Variants in ZNF566 observed in about 807,000 individuals in gnomAD.
ZNF566 encodes zinc finger protein 566.
ZNF566 carries 27 observed loss-of-function variants against 32.8 expected under a neutral mutation model. The ratio of observed to expected loss-of-function variants is 0.82; its 90% CI spans 0.61 to 1.14. The LOEUF is 1.14. Ranked by LOEUF, ZNF566 falls within the 50% of genes most tolerant of loss-of-function variation. The pLI is 0.00. For synonymous variants in ZNF566, 154 were observed against 159.5 expected (o/e 0.97, Z 0.26); for missense variants, 402 against 490.4 (o/e 0.82, Z 1.70).
In ZNF566 at chr19:36,449,062, C is replaced by T. The variant is rs563610421; in HGVS notation, c.1172G>A (p.Ser391Asn). ...QLISHHRIHTSEKPYEYRECG... is the reference protein window; with the variant it reads ...QLISHHRIHTNEKPYEYRECG... ...TTCCCTATATTCATAGGGTTTCTCA[C>T]TAGTATGAATTCTATGATGACTAAT... The change falls in exon 5 of 5, where the codon AGT (serine) becomes AAT (asparagine). Residue 391 changes from serine (S) to asparagine (N), a missense_variant. By Grantham distance (46) the Ser-to-Asn change is conservative. Transcript: ENST00000452939. 11 of 1,613,682 alleles carry T rather than the reference C, an allele frequency of 6.8e-6. No individual in the cohort carries two copies. Among genetic ancestry groups the T allele is most frequent in the Middle Eastern group, 1.7e-4 (1 of 6,052 alleles).
At chr19:36,455,203 G>C (rs888677788) in intron 4 of ZNF566, among the ~76,000 whole-genome samples, 1 of 151,992 alleles carries the variant, frequency 6.6e-6, no homozygotes, top group African/African-American at 2.4e-5. Flanking sequence ...AGGTGTACAA[G>C]GAATTTACTT....
intron 4 of ZNF566, among the ~76,000 whole-genome samples, chr19:36,455,313 A>T (rs866373389): frequency 6.6e-6 from 1 of 152,170 alleles, no homozygotes; most frequent in South Asian, 2.1e-4. Context: ...CAAGACAAGG[A>T]TGTCCACTCT....
intron 1 of ZNF566, among the ~76,000 whole-genome samples, chr19:36,478,020 A>G (rs537837650): frequency 2.0e-5 from 3 of 152,270 alleles, no homozygotes; most frequent in Admixed American, 2.0e-4. Flanking sequence ...AACTATAAAG[A>G]GCACTATTAT....
At chr19:36,488,246 G>C (rs1474785062) in intron 1 of ZNF566, among the ~76,000 whole-genome samples, 1 of 152,028 alleles carries the variant, frequency 6.6e-6, no homozygotes, top group Non-Finnish European at 1.5e-5. Flanking sequence ...ACCATGCCCG[G>C]CTAATTTTTT....
chr19:36,447,685 G>T lies in ZNF566; in HGVS notation c.*1292C>A, dbSNP rs2033029686. 1 of 151,552 alleles carries T rather than the reference G, an allele frequency of 6.6e-6. No individual in the cohort carries two copies. Among genetic ancestry groups the T allele is most frequent in the South Asian group, 2.1e-4 (1 of 4,808 alleles). The allele number at this position is 151,552 out of a possible 1,614,324, so 9.4% of individuals were successfully genotyped here. ...CTTATGTTCTCTTTTCTTTTTTACT[G>T]GGTATATAATGCGACAAAAAGAGTA... is the stretch of plus-strand genomic sequence containing the variant. On this transcript the variant is annotated 3_prime_UTR_variant, in exon 5 of 5. Coordinates refer to ENST00000452939, the MANE Select transcript of ZNF566 (RefSeq NM_001145344.1).
intron 4 of ZNF566, among the ~76,000 whole-genome samples, chr19:36,456,010 G>A (rs2033299479): frequency 6.6e-6 from 1 of 151,442 alleles, no homozygotes; most frequent in Non-Finnish European, 1.5e-5. Flanking sequence ...CTGCACTCCA[G>A]ACTGGGTGAC....
At chr19:36,465,169 AAATTT>A (rs1156784106) in intron 4 of ZNF566, among the ~76,000 whole-genome samples, 1 of 152,204 alleles carries the variant, frequency 6.6e-6, no homozygotes, top group Non-Finnish European at 1.5e-5. Flanking sequence ...ATGACCAGGG[AAATTT>A]AATTTAAAAT....
chr19:36,483,256 C>T (rs1255976664), intron 1 of ZNF566, among the ~76,000 whole-genome samples: 1 of 152,134 alleles, frequency 6.6e-6, no homozygotes, highest in Non-Finnish European at 1.5e-5. Flanking sequence ...GTGTTTTTAA[C>T]ATATAAACAA....
rs2034259488 is a variant in ZNF566 at position 36,489,551 on chromosome 19, C to T, written c.-125G>A. 2.8e-6 allele frequency: 1 copy of T among 356,908 alleles called. No homozygotes were observed. Among genetic ancestry groups the T allele is most frequent in the Non-Finnish European group, 5.5e-6 (1 of 180,456 alleles). 22.1% of individuals were successfully genotyped at this position (356,908 alleles called of 1,614,324 possible). A position where few individuals can be genotyped will look rare whatever the true frequency, so the allele number is the denominator to read the frequency against. ...GTTGCTGGTAAAGCCCTGAGGGTCC[C>T]GCCAGCGCGTGAGTTGGAAGCTGAA... On this transcript the variant is annotated 5_prime_UTR_variant, in exon 1 of 5. Transcript: ENST00000452939.
intron 1 of ZNF566, among the ~76,000 whole-genome samples, chr19:36,481,509 A>G (rs1213325296): frequency 6.7e-6 from 1 of 149,938 alleles, no homozygotes; most frequent in Non-Finnish European, 1.5e-5. Flanking sequence ...AAGAACACTG[A>G]GGTACTATTT....
chr19:36,450,084 C>T (rs1024261313), intron 4 of ZNF566, 83 bp from the exon 5 acceptor site: 20 of 1,187,938 alleles, frequency 1.7e-5, no homozygotes, highest in East Asian at 1.2e-4. Flanking sequence ...AGAATTTAAC[C>T]GAATTTTTTT....
In ZNF566 at chr19:36,447,697, C is replaced by A. The variant is rs180851221; in HGVS notation, c.*1280G>T. 1.3e-5 allele frequency: 2 copies of A among 151,806 alleles called. No individual in the cohort carries two copies. Among genetic ancestry groups the A allele is most frequent in the African/African-American group, 4.8e-5 (2 of 41,314 alleles). The allele number at this position is 151,806 out of a possible 1,614,324, so 9.4% of individuals were successfully genotyped here. A position where few individuals can be genotyped will look rare whatever the true frequency, so the allele number is the denominator to read the frequency against. On this transcript the variant is annotated 3_prime_UTR_variant, in exon 5 of 5. Transcript: ENST00000452939. ...TTTCTTTTTTACTGGGTATATAATG[C>A]GACAAAAAGAGTATTAGTCGGAATA... is the stretch of plus-strand genomic sequence containing the variant.
chr19:36,451,265 A>T (rs1466242305), intron 4 of ZNF566, among the ~76,000 whole-genome samples: 2 of 152,232 alleles, frequency 1.3e-5, no homozygotes, highest in African/African-American at 4.8e-5. Flanking sequence ...ACAATCCAGA[A>T]AAAAGCCTAG....
intron 4 of ZNF566, among the ~76,000 whole-genome samples, chr19:36,465,641 T>A (rs1008764172): frequency 2.6e-5 from 4 of 151,770 alleles, no homozygotes; most frequent in Admixed American, 2.0e-4. Context: ...CCGGCCAATT[T>A]TTTTTGTATT....
intron 4 of ZNF566, among the ~76,000 whole-genome samples, chr19:36,459,113 G>A (rs895486688): frequency 6.6e-6 from 1 of 152,198 alleles, no homozygotes; most frequent in African/African-American, 2.4e-5. Context: ...AAGGATGAAA[G>A]TGATGACAGA....
chr19:36,447,217 A>T lies in ZNF566; in HGVS notation c.*1760T>A, dbSNP rs1308324616. The T allele has an allele frequency of 1.3e-5, 2 of 152,094 alleles. No individual in the cohort carries two copies. Among genetic ancestry groups the T allele is most frequent in the African/African-American group, 4.8e-5 (2 of 41,402 alleles). 9.4% of individuals were successfully genotyped at this position (152,094 alleles called of 1,614,324 possible). ...TTTTGAGTAAAAATGGGGTTTCAACATGTTGGCCAGGCTGGTCTCAAGCTC... is the reference window on the plus strand; with the variant it reads ...TTTTGAGTAAAAATGGGGTTTCAACTTGTTGGCCAGGCTGGTCTCAAGCTC... On this transcript the variant is annotated 3_prime_UTR_variant, in exon 5 of 5. Coordinates refer to ENST00000452939, the MANE Select transcript of ZNF566 (RefSeq NM_001145344.1).
chr19:36,474,721 C>T (rs1216242218), intron 2 of ZNF566, among the ~76,000 whole-genome samples: 1 of 152,108 alleles, frequency 6.6e-6, no homozygotes, highest in African/African-American at 2.4e-5. Context: ...CTTTTAAAAA[C>T]TTTGTATCTT....
chr19:36,474,823 C>T (rs1008046357), intron 2 of ZNF566, among the ~76,000 whole-genome samples: 5 of 152,158 alleles, frequency 3.3e-5, no homozygotes, highest in Non-Finnish European at 7.4e-5. Context: ...ACAACAAATG[C>T]TATTCATATG....
intron 4 of ZNF566, among the ~76,000 whole-genome samples, chr19:36,463,986 A>G (rs776138343): frequency 2.0e-5 from 3 of 152,048 alleles, no homozygotes; most frequent in Non-Finnish European, 4.4e-5. Flanking sequence ...TCGGCCTCCC[A>G]AAGTGTTGGG....
Sources: gnomAD v4.1 joint callset for allele counts (sites outside exome capture counted in the v4.1 genomes callset) on GRCh38, gnomAD v4.1.1 for gene constraint, MANE v1.5 for transcripts, NCBI Gene and HGNC (gene_info 2026-07-23, HGNC 2026-07-21) for gene names.